The following SYNE1 variants were observed in gnomAD, a reference collection of about 807,000 sequenced individuals.
SYNE1 encodes the protein spectrin repeat containing nuclear envelope protein 1.
A neutral mutation model predicts 1,111.0 loss-of-function variants in SYNE1; 616 were observed. That is an observed-to-expected ratio of 0.55 (90% CI 0.52 to 0.59). The LOEUF (loss-of-function observed/expected upper bound fraction) is 0.59, where lower values mean the gene tolerates loss of function less well. SYNE1 is among the 20% of genes least tolerant of loss of function. SYNE1 has a pLI of 0.00. For missense variants in SYNE1, 10,006 were observed against 10,417.0 expected (o/e 0.96, Z 1.72); for synonymous variants, 3,855 against 3,825.8 (o/e 1.01, Z -0.28).
At chr6:152,512,775 G>T (rs6924474) in intron 6 of SYNE1, among the ~76,000 whole-genome samples, 55 of 152,220 alleles carry the variant, frequency 3.6e-4, no homozygotes, top group African/African-American at 9.9e-4. Context: ...GGGAGCACAG[G>T]TTGGTTTGTC....
intron 92 of SYNE1, among the ~76,000 whole-genome samples, chr6:152,301,415 C>T (rs890076024): frequency 6.6e-6 from 1 of 152,180 alleles, no homozygotes; most frequent in African/African-American, 2.4e-5. Context: ...ATTTTTCTAA[C>T]AATAGCTGTT....
At chr6:152,603,871 AC>A (rs2099603069) in intron 3 of SYNE1, among the ~76,000 whole-genome samples, 1 of 133,898 alleles carries the variant, frequency 7.5e-6, no homozygotes, top group Non-Finnish European at 1.6e-5. Context: ...AGATAGATAT[AC>A]TATCTATCTA....
chr6:152,488,521 T>G lies in SYNE1; in HGVS notation c.940-18A>C, dbSNP rs760781726. Reference sequence around the variant, plus strand: ...TCTTCTCTCTGGAAATGAGGAGACATTACAATTTTATTAGTATCTGTGCAT... The same window carrying G: ...TCTTCTCTCTGGAAATGAGGAGACAGTACAATTTTATTAGTATCTGTGCAT... On this transcript the variant is annotated intron_variant, in intron 11 of 145. Transcript: ENST00000367255. The G allele has an allele frequency of 7.5e-7, 1 of 1,328,174 alleles. No homozygotes were observed. Among genetic ancestry groups the G allele is most frequent in the South Asian group, 1.2e-5 (1 of 84,852 alleles). 82.3% of individuals were successfully genotyped at this position (1,328,174 alleles called of 1,614,324 possible). A position where few individuals can be genotyped will look rare whatever the true frequency, so the allele number is the denominator to read the frequency against.
chr6:152,479,020 A>G (rs2098857435), intron 14 of SYNE1, among the ~76,000 whole-genome samples: 1 of 152,176 alleles, frequency 6.6e-6, no homozygotes, highest in African/African-American at 2.4e-5. Context: ...GATACAGTGA[A>G]AAGGTGGTAG....
intron 3 of SYNE1, among the ~76,000 whole-genome samples, chr6:152,589,107 A>G (rs1272862092): frequency 6.6e-6 from 1 of 151,976 alleles, no homozygotes; most frequent in Non-Finnish European, 1.5e-5. Flanking sequence ...GGATTTTACC[A>G]CATTGGCCAG....
chr6:152,523,414 T>A (rs1052463083), intron 5 of SYNE1, among the ~76,000 whole-genome samples: 6 of 152,208 alleles, frequency 3.9e-5, no homozygotes, highest in African/African-American at 1.4e-4. Flanking sequence ...TTGGTCTATG[T>A]ATCTACTTTT....
At chr6:152,354,324 C>T (rs1290207708) in intron 67 of SYNE1, among the ~76,000 whole-genome samples, 1 of 152,134 alleles carries the variant, frequency 6.6e-6, no homozygotes, top group Non-Finnish European at 1.5e-5. Flanking sequence ...TTCTCAAGTA[C>T]TATTTCAATG....
Position 152,435,788 on chromosome 6 carries a change from ACTTT to A in SYNE1, c.4310+149_4310+152del, listed in dbSNP as rs973809692. On this transcript the variant is annotated intron_variant, in intron 33 of 145. Coordinates refer to ENST00000367255, the MANE Select transcript of SYNE1 (RefSeq NM_182961.4). The stretch of plus-strand genomic sequence containing the variant: ...AGATATTGGTTTCTGTATTAGCGAT[ACTTT>A]CTTTTGAACTGTGAGTTGTTTCCTC... 2.0e-4 allele frequency: 185 copies of A among 937,824 alleles called. 1 individual carries two copies. The African/African-American group carries it at 2.9e-3, about 14-fold the overall frequency. The allele number at this position is 937,824 out of a possible 1,614,324, so 58.1% of individuals were successfully genotyped here.
chr6:152,481,290 C>A (rs968239568), intron 14 of SYNE1: 3 of 254,764 alleles, frequency 1.2e-5, no homozygotes, highest in African/African-American at 4.5e-5. Context: ...CTGTGCCCCT[C>A]ACCTGTTGCC....
chr6:152,559,665 G>A (rs2099388334), intron 3 of SYNE1, among the ~76,000 whole-genome samples: 1 of 152,018 alleles, frequency 6.6e-6, no homozygotes, highest in Non-Finnish European at 1.5e-5. Flanking sequence ...AGTAATAAAT[G>A]CCTACATTTT....
At position 152,441,290 on chromosome 6, in the gene SYNE1, C is replaced by A. The variant is rs1374806625; in HGVS notation, c.4009-20G>T. On this transcript the variant is annotated intron_variant, in intron 31 of 145. Transcript: ENST00000367255. ...TGTGACCTAAATTTGAAAAAATAAA[C>A]AACAAATGGGTTACAAATGTCACAC... 1 of 1,596,396 alleles carries A rather than the reference C, an allele frequency of 6.3e-7. No homozygotes were observed. The highest frequency in any genetic ancestry group is 1.7e-5 in the Admixed American group (1 of 58,108).
In SYNE1 at chr6:152,233,891, G is replaced by A. The variant is rs763818494; in HGVS notation, c.20602C>T (p.Arg6868Ter). Reference protein sequence around the residue: ...SVLSTGNQLLRLKKVDTATLR... With the variant: ...SVLSTGNQLL The stretch of plus-strand genomic sequence containing the variant: ...GTGGCTGTGTCCACCTTTTTTAGTC[G>A]AAGGAGCTGATTTCCAGTACTCAGA... The change falls in exon 112 of 146, where the codon CGA becomes TGA. Residue 6868 changes from arginine (R) to a stop codon, truncating the protein, a stop_gained. Transcript: ENST00000367255. LOFTEE classifies it high-confidence loss of function. 4.3e-6 allele frequency: 7 copies of A among 1,614,130 alleles called. No individual in the cohort carries two copies. Among genetic ancestry groups the A allele is most frequent in the South Asian group, 1.1e-5 (1 of 91,084 alleles).
intron 3 of SYNE1, among the ~76,000 whole-genome samples, chr6:152,565,291 T>A (rs2099409242): frequency 6.6e-6 from 1 of 152,184 alleles, no homozygotes; most frequent in Non-Finnish European, 1.5e-5. Context: ...TATCTTGACA[T>A]GTTCAGGCCA....
At chr6:152,404,118 C>CAT (rs1563752503) in intron 46 of SYNE1, 95 bp downstream of exon 46, 1 of 366,126 alleles carries the variant, frequency 2.7e-6, no homozygotes, top group East Asian at 5.5e-5. Flanking sequence ...TATATATATA[C>CAT]ACACACACAC....
At chr6:152,497,008 T>C (rs2099003191) in intron 11 of SYNE1, among the ~76,000 whole-genome samples, 1 of 152,046 alleles carries the variant, frequency 6.6e-6, no homozygotes, top group Admixed American at 6.5e-5. Context: ...CCTTTGACTG[T>C]AATTTTCCAC....
At chr6:152,240,070 T>C (rs952149626) in intron 107 of SYNE1, among the ~76,000 whole-genome samples, 1 of 152,102 alleles carries the variant, frequency 6.6e-6, no homozygotes, top group African/African-American at 2.4e-5. Flanking sequence ...GCGCTGGAGC[T>C]GAGTAGACAG....
chr6:152,502,570 C>G, intron 10 of SYNE1, 63 bp downstream of exon 10: 1 of 1,285,206 alleles, frequency 7.8e-7, no homozygotes, highest in East Asian at 2.3e-5. Context: ...GAACAGTATA[C>G]TCAAAAAGCT....
chr6:152,632,666 T>A (rs1279379355), intron 2 of SYNE1, among the ~76,000 whole-genome samples: 3 of 152,198 alleles, frequency 2.0e-5, no homozygotes, highest in African/African-American at 4.8e-5. Flanking sequence ...TGAATCTTAA[T>A]TCTATCTCTT....
rs1376055119 is a variant in SYNE1, at chr6:152,401,135, T to C, written c.7029+3A>G. On this transcript the variant is annotated splice_donor_region_variant and intron_variant, in intron 47 of 145. Coordinates refer to ENST00000367255, the MANE Select transcript of SYNE1 (RefSeq NM_182961.4). The stretch of plus-strand genomic sequence containing the variant: ...AAGCACTTAATGATAGTTTATTACC[T>C]ACCTTGACTTTTTTCAATGCTTCAC... 4 of 1,613,836 alleles carry C rather than the reference T, an allele frequency of 2.5e-6. No homozygotes were observed. The highest frequency in any genetic ancestry group is 3.4e-6 in the Non-Finnish European group (4 of 1,179,850).
Sources: gnomAD v4.1 joint callset for allele counts (sites outside exome capture counted in the v4.1 genomes callset) on GRCh38, gnomAD v4.1.1 for gene constraint, MANE v1.5 for transcripts, NCBI Gene and HGNC (gene_info 2026-07-23, HGNC 2026-07-21) for gene names.